GRM1: variants seen among roughly 807,000 people sequenced by gnomAD.
GRM1 encodes glutamate metabotropic receptor 1.
In GRM1, 33 loss-of-function variants were observed where a neutral mutation model predicts 90.9. That is an observed-to-expected ratio of 0.36 (90% confidence interval 0.28 to 0.49). The LOEUF is 0.49. Ranked by LOEUF, GRM1 falls within the 20% of genes least tolerant of loss-of-function variation. The pLI, the probability that GRM1 is intolerant of heterozygous loss-of-function variation, is 0.99. For synonymous variants in GRM1, 700 were observed against 613.2 expected, an observed-to-expected ratio of 1.14 and a Z score of -2.09; for missense variants, 1,190 against 1,534.3, an observed-to-expected ratio of 0.78 and a Z score of 3.75.
chr6:146,102,708 T>C (rs555772945), intron 1 of GRM1, among the ~76,000 whole-genome samples: 2 of 152,334 alleles, frequency 1.3e-5, no homozygotes, highest in Admixed American at 6.5e-5. Flanking sequence ...TTTCATATAT[T>C]GAAAAATAAT....
chr6:146,311,208 G>A (rs546961083), intron 3 of GRM1, among the ~76,000 whole-genome samples: 258 of 152,218 alleles, frequency 1.7e-3, no homozygotes, highest in Admixed American at 5.5e-3. Context: ...TTGATCCTAG[G>A]CAGTTAAACT....
chr6:146,347,794 T>G (rs1482357310), intron 3 of GRM1, among the ~76,000 whole-genome samples: 2 of 152,212 alleles, frequency 1.3e-5, no homozygotes, highest in Non-Finnish European at 2.9e-5. Flanking sequence ...TGATTTATAC[T>G]TCAGTGAAAA....
chr6:146,218,241 T>A (rs1779942069), intron 2 of GRM1, among the ~76,000 whole-genome samples: 1 of 152,160 alleles, frequency 6.6e-6, no homozygotes, highest in South Asian at 2.1e-4. Context: ...TTATTAGAAT[T>A]CAGTTTTGGT....
At chr6:146,358,402 G>A (rs368305275) in intron 5 of GRM1, among the ~76,000 whole-genome samples, 4 of 152,296 alleles carry the variant, frequency 2.6e-5, no homozygotes, top group South Asian at 4.2e-4. Context: ...TGGGGGATGC[G>A]CTAGGAAATG....
intron 7 of GRM1, among the ~76,000 whole-genome samples, chr6:146,408,418 A>G (rs75855752): frequency 1.3e-5 from 2 of 152,170 alleles, no homozygotes; most frequent in Non-Finnish European, 2.9e-5. Context: ...ATGGATAATA[A>G]TAGTGCTTAT....
At chr6:146,393,072 T>C (rs1307097084) in intron 6 of GRM1, among the ~76,000 whole-genome samples, 1 of 152,162 alleles carries the variant, frequency 6.6e-6, no homozygotes, top group Non-Finnish European at 1.5e-5. Flanking sequence ...CTGGGTCAAA[T>C]GGTATTTCTG....
chr6:146,116,810 CTTTTG>C (rs1478714684), intron 1 of GRM1, among the ~76,000 whole-genome samples: 1 of 151,896 alleles, frequency 6.6e-6, no homozygotes, highest in Non-Finnish European at 1.5e-5. Context: ...AAATTTCCAA[CTTTTG>C]TTTTGTCAAT....
At chr6:146,036,003 C>T (rs1790877986) in intron 1 of GRM1, among the ~76,000 whole-genome samples, 1 of 151,954 alleles carries the variant, frequency 6.6e-6, no homozygotes, top group South Asian at 2.1e-4. Context: ...AAGAAGCTGT[C>T]CTTCATAGGG....
intron 2 of GRM1, among the ~76,000 whole-genome samples, chr6:146,211,828 G>A (rs1158463919): frequency 1.3e-5 from 2 of 152,140 alleles, no homozygotes; most frequent in African/African-American, 2.4e-5. Flanking sequence ...ACTGGCTTGT[G>A]TTTCAGGAAC....
At chr6:146,195,048 A>T (rs944257266) in intron 2 of GRM1, among the ~76,000 whole-genome samples, 4 of 152,344 alleles carry the variant, frequency 2.6e-5, no homozygotes, top group Admixed American at 1.3e-4. Context: ...AATGTTACCC[A>T]TTACTCTAAA....
intron 2 of GRM1, among the ~76,000 whole-genome samples, chr6:146,185,062 C>T (rs765665327): frequency 1.3e-5 from 2 of 152,154 alleles, no homozygotes; most frequent in Non-Finnish European, 2.9e-5. Flanking sequence ...TCCATGCGCA[C>T]AATACATTAA....
At chr6:146,067,561 A>T (rs913014333) in intron 1 of GRM1, among the ~76,000 whole-genome samples, 28 of 152,178 alleles carry the variant, frequency 1.8e-4, no homozygotes, top group African/African-American at 6.5e-4. Context: ...GTTAATAAAT[A>T]AATAACCAAA....
At chr6:146,061,421 G>A (rs1039131464) in intron 1 of GRM1, among the ~76,000 whole-genome samples, 3 of 151,926 alleles carry the variant, frequency 2.0e-5, no homozygotes, top group African/African-American at 7.3e-5. Context: ...ATTGCATTTT[G>A]AATGCCTGTA....
chr6:146,146,355 G>A (rs1036082049), intron 1 of GRM1, among the ~76,000 whole-genome samples: 2 of 151,480 alleles, frequency 1.3e-5, no homozygotes, highest in African/African-American at 4.8e-5. Context: ...CCAAAGTGCT[G>A]GGATTACAGG....
chr6:146,119,091 C>T (rs917612249), intron 1 of GRM1, among the ~76,000 whole-genome samples: 86 of 152,216 alleles, frequency 5.6e-4, no homozygotes, highest in African/African-American at 2.0e-3. Context: ...TCCACATCCT[C>T]TCCAGCACCT....
intron 2 of GRM1, among the ~76,000 whole-genome samples, chr6:146,196,486 T>C (rs906034811): frequency 3.4e-5 from 5 of 145,686 alleles, no homozygotes; most frequent in East Asian, 2.0e-4. Context: ...TTTTTTTTTT[T>C]AGTAGAGACG....
chr6:146,256,531 G>C (rs1781484036), intron 2 of GRM1, among the ~76,000 whole-genome samples: 1 of 152,086 alleles, frequency 6.6e-6, no homozygotes, highest in South Asian at 2.1e-4. Context: ...AGAGGACACT[G>C]TGTATGATAA....
At chr6:146,395,792 G>A (rs1412046185) in intron 6 of GRM1, among the ~76,000 whole-genome samples, 1 of 152,110 alleles carries the variant, frequency 6.6e-6, no homozygotes, top group East Asian at 1.9e-4. Flanking sequence ...TGATGACAGA[G>A]TATTTCATTT....
At chr6:146,048,685 C>T (rs1039534176) in intron 1 of GRM1, among the ~76,000 whole-genome samples, 1 of 151,688 alleles carries the variant, frequency 6.6e-6, no homozygotes, top group African/African-American at 2.4e-5. Context: ...GATTAGTGAC[C>T]TTATAAAAAG....
Sources: gnomAD v4.1 joint callset for allele counts (sites outside exome capture counted in the v4.1 genomes callset) on GRCh38, gnomAD v4.1.1 for gene constraint, MANE v1.5 for transcripts, NCBI Gene and HGNC (gene_info 2026-07-23, HGNC 2026-07-21) for gene names.